MACROD2: variants seen among roughly 807,000 people sequenced by gnomAD.
MACROD2 encodes ADP-ribose glycohydrolase MACROD2.
A neutral mutation model predicts 70.4 loss-of-function variants in MACROD2; 36 were observed. That is an observed-to-expected ratio of 0.51 (90% confidence interval 0.39 to 0.68). The LOEUF is 0.68. Among genes scored for constraint, MACROD2 ranks in the 30% least tolerant of loss-of-function variants. The probability of loss-of-function intolerance (pLI) is 0.00; values close to 1 mark genes in which losing one functional copy is unlikely to be tolerated. For missense variants in MACROD2, 496 were observed against 538.4 expected, an observed-to-expected ratio of 0.92 and a Z score of 0.78; for synonymous variants, 172 against 178.8, an observed-to-expected ratio of 0.96 and a Z score of 0.30.
chr20:14,601,894 T>C (rs938112311), intron 4 of MACROD2, among the ~76,000 whole-genome samples: 4 of 152,222 alleles, frequency 2.6e-5, no homozygotes, highest in Non-Finnish European at 4.4e-5. Context: ...ACCCCCTTCC[T>C]AAATAGTTAA....
chr20:15,073,466 AACACACACACACACACACACAC>A (rs11468103), intron 5 of MACROD2, among the ~76,000 whole-genome samples: 20 of 143,948 alleles, frequency 1.4e-4, no homozygotes, highest in Admixed American at 4.2e-4. Context: ...TAATTCTCCC[AACACACACACACACACACACAC>A]ACACACACAC....
At chr20:15,453,470 G>A (rs754847074) in intron 7 of MACROD2, among the ~76,000 whole-genome samples, 43 of 152,150 alleles carry the variant, frequency 2.8e-4, no homozygotes, top group East Asian at 5.8e-4. Flanking sequence ...AGGTTAAAAC[G>A]CTTGTACACT....
At chr20:15,487,269 A>G (rs1292799387) in intron 7 of MACROD2, among the ~76,000 whole-genome samples, 2 of 152,170 alleles carry the variant, frequency 1.3e-5, no homozygotes, top group African/African-American at 4.8e-5. Flanking sequence ...AAGTGATCTA[A>G]AAAAGGTGTC....
At chr20:14,186,376 A>G (rs979026441) in intron 3 of MACROD2, among the ~76,000 whole-genome samples, 1 of 142,134 alleles carries the variant, frequency 7.0e-6, no homozygotes, top group Non-Finnish European at 1.6e-5. Context: ...ACTAATAATT[A>G]GAGAAATGCA....
intron 5 of MACROD2, among the ~76,000 whole-genome samples, chr20:15,165,375 GA>G (rs1476544502): frequency 1.3e-5 from 2 of 152,218 alleles, no homozygotes; most frequent in South Asian, 4.1e-4. Flanking sequence ...AGAATGGCTT[GA>G]ACCTGGAAGG....
intron 8 of MACROD2, among the ~76,000 whole-genome samples, chr20:15,810,395 G>T (rs1407619944): frequency 1.3e-5 from 2 of 151,530 alleles, no homozygotes; most frequent in African/African-American, 4.9e-5. Context: ...TGGGATGGCT[G>T]GGTCAAATGG....
At chr20:14,173,582 T>C (rs1003798674) in intron 3 of MACROD2, among the ~76,000 whole-genome samples, 2 of 152,232 alleles carry the variant, frequency 1.3e-5, no homozygotes, top group Non-Finnish European at 2.9e-5. Flanking sequence ...CCTGATTCAC[T>C]TAGTATAATC....
intron 4 of MACROD2, among the ~76,000 whole-genome samples, chr20:14,652,012 G>A (rs775600522): frequency 6.6e-6 from 1 of 152,060 alleles, no homozygotes; most frequent in Non-Finnish European, 1.5e-5. Flanking sequence ...AACAGTTGTA[G>A]TTTGAAAAGC....
At chr20:15,899,715 A>G (rs760318798) in intron 10 of MACROD2, among the ~76,000 whole-genome samples, 14 of 152,196 alleles carry the variant, frequency 9.2e-5, no homozygotes, top group Non-Finnish European at 1.8e-4. Flanking sequence ...TTGCCTTTAC[A>G]TAGAATATTC....
At chr20:14,862,023 A>G (rs1401791806) in intron 5 of MACROD2, among the ~76,000 whole-genome samples, 7 of 31,154 alleles carry the variant, frequency 2.2e-4, no homozygotes, top group African/African-American at 9.9e-4. Context: ...ATATATTTAT[A>G]TATATTTATA....
At chr20:15,713,991 A>ACACGCG (rs372048702) in intron 8 of MACROD2, among the ~76,000 whole-genome samples, 14 of 117,026 alleles carry the variant, frequency 1.2e-4, no homozygotes, top group Non-Finnish European at 1.9e-4. Context: ...ACATATGCAC[A>ACACGCG]CACACACACA....
intron 5 of MACROD2, among the ~76,000 whole-genome samples, chr20:15,030,357 G>A (rs976309700): frequency 1.3e-5 from 2 of 152,090 alleles, no homozygotes; most frequent in South Asian, 2.1e-4. Flanking sequence ...CCAGGTATTC[G>A]GAAGATCACT....
chr20:14,294,679 A>T (rs925023153), intron 3 of MACROD2, among the ~76,000 whole-genome samples: 3 of 151,804 alleles, frequency 2.0e-5, no homozygotes, highest in Non-Finnish European at 2.9e-5. Flanking sequence ...ACTAGTAAAG[A>T]GTAGGCATTG....
At chr20:14,956,011 C>T (rs2074533417) in intron 5 of MACROD2, among the ~76,000 whole-genome samples, 1 of 148,976 alleles carries the variant, frequency 6.7e-6, no homozygotes, top group African/African-American at 2.6e-5. Context: ...AGCTGAAATA[C>T]AGCTTTTAGC....
intron 3 of MACROD2, among the ~76,000 whole-genome samples, chr20:14,094,511 C>A (rs773807979): frequency 1.3e-5 from 2 of 152,082 alleles, no homozygotes; most frequent in Admixed American, 1.3e-4. Flanking sequence ...TTTTTTGATC[C>A]TTGTTTTCCT....
intron 8 of MACROD2, among the ~76,000 whole-genome samples, chr20:15,599,023 TC>T (rs1234640664): frequency 6.6e-6 from 1 of 152,148 alleles, no homozygotes; most frequent in Non-Finnish European, 1.5e-5. Context: ...TCTGCAATGA[TC>T]CCAGTCTCCA....
chr20:15,410,720 C>T (rs2046066112), intron 6 of MACROD2, among the ~76,000 whole-genome samples: 1 of 151,794 alleles, frequency 6.6e-6, no homozygotes, highest in African/African-American at 2.4e-5. Flanking sequence ...CAGTCTTATC[C>T]TGTAAACTTA....
chr20:15,444,924 A>G (rs1194556477), intron 7 of MACROD2, among the ~76,000 whole-genome samples: 1 of 151,076 alleles, frequency 6.6e-6, no homozygotes, highest in Non-Finnish European at 1.5e-5. Flanking sequence ...TGCTTATCAT[A>G]GTGTCATATA....
Position 14,175,030 on chromosome 20 carries a change from T to C in MACROD2, c.271+89302T>C, listed in dbSNP as rs117131831. Among the ~76,000 whole-genome samples, 42 of 152,312 alleles carry C rather than the reference T, an allele frequency of 2.8e-4. No homozygotes were observed. The East Asian group carries it at 6.2e-3, about 22-fold the overall frequency. ...TCACACTCTGGGCACTAGCAGTTTT[T>C]CAGCTGTCTCTTGGGGCCTGCAACA... On this transcript the variant is annotated intron_variant, in intron 3 of 17. Transcript: ENST00000684519.
Sources: allele counts gnomAD v4.1 joint callset (sites outside exome capture counted in the v4.1 genomes callset), GRCh38; gene constraint gnomAD v4.1.1; transcripts MANE v1.5; gene names NCBI Gene and HGNC (gene_info 2026-07-23, HGNC 2026-07-21).